Variants in FAM168B observed in about 807,000 individuals in gnomAD.
FAM168B encodes the protein family with sequence similarity 168 member B.
A neutral mutation model predicts 21.8 loss-of-function variants in FAM168B; 19 were observed. The observed-to-expected ratio is 0.87, with a 90% CI of 0.61 to 1.28. FAM168B has a LOEUF of 1.28. Ranked by LOEUF, FAM168B falls within the 50% of genes most tolerant of loss-of-function variation. The probability of loss-of-function intolerance (pLI) is 0.00; values close to 1 mark genes in which losing one functional copy is unlikely to be tolerated. For missense variants in FAM168B, 233 were observed against 263.1 expected, an observed-to-expected ratio of 0.89 and a Z score of 0.79; for synonymous variants, 126 against 104.8, an observed-to-expected ratio of 1.20 and a Z score of -1.24.
At chr2:131,092,744 A>T (rs1694097543) in intron 1 of FAM168B, among the ~76,000 whole-genome samples, 1 of 152,220 alleles carries the variant, frequency 6.6e-6, no homozygotes, top group African/African-American at 2.4e-5. Context: ...GGAAATCTTA[A>T]AAATCTGTAA....
chr2:131,066,632 G>C (rs1004020859), intron 3 of FAM168B, among the ~76,000 whole-genome samples: 27 of 152,234 alleles, frequency 1.8e-4, no homozygotes, highest in African/African-American at 5.8e-4. Flanking sequence ...GACCAGAACA[G>C]AGGCCTCAAT....
chr2:131,057,230 T>G (rs768109743), intron 3 of FAM168B, among the ~76,000 whole-genome samples: 1 of 152,116 alleles, frequency 6.6e-6, no homozygotes, highest in Non-Finnish European at 1.5e-5. Context: ...GAAAGACTTG[T>G]AAAAAGTGTT....
At position 131,067,526 on chromosome 2, in the gene FAM168B, T is replaced by C. The variant is rs1245061533; in HGVS notation, c.154+4329A>G. Reference sequence around the variant, plus strand: ...GAGGTCAAGATGAGAGGACTGCTTGTGCTCAGGAATTTGAAACCAGCTTGG... The same window carrying C: ...GAGGTCAAGATGAGAGGACTGCTTGCGCTCAGGAATTTGAAACCAGCTTGG... On this transcript the variant is annotated intron_variant, in intron 3 of 6. Transcript: ENST00000389915. Among the ~76,000 whole-genome samples, 4 of 152,240 alleles carry C rather than the reference T, an allele frequency of 2.6e-5. No individual in the cohort carries two copies. In the South Asian group the frequency reaches 8.3e-4, roughly 32 times the overall value.
chr2:131,083,890 T>C (rs1693546524), intron 1 of FAM168B, among the ~76,000 whole-genome samples: 1 of 149,140 alleles, frequency 6.7e-6, no homozygotes, highest in South Asian at 2.1e-4. Context: ...ATTTATTTAT[T>C]TATTTATTTA....
chr2:131,078,264 G>GA (rs1232533787), intron 2 of FAM168B, among the ~76,000 whole-genome samples: 2 of 152,116 alleles, frequency 1.3e-5, no homozygotes, highest in Non-Finnish European at 2.9e-5. Context: ...TAGTATGTTG[G>GA]AAAAAACAGA....
intron 1 of FAM168B, among the ~76,000 whole-genome samples, chr2:131,090,274 G>A (rs773802118): frequency 9.7e-4 from 132 of 136,056 alleles, no homozygotes; most frequent in Non-Finnish European, 6.1e-4. Flanking sequence ...AGCCCAGACC[G>A]TGCCACTGCA....
intron 1 of FAM168B, among the ~76,000 whole-genome samples, chr2:131,089,642 C>T (rs528344447): frequency 2.2e-4 from 33 of 150,684 alleles, no homozygotes; most frequent in African/African-American, 7.1e-4. Context: ...GGTGTGAACC[C>T]GGAAGGCGGA....
At chr2:131,089,700 A>G (rs1693907936) in intron 1 of FAM168B, among the ~76,000 whole-genome samples, 1 of 148,078 alleles carries the variant, frequency 6.8e-6, no homozygotes, top group South Asian at 2.1e-4. Context: ...TCTGGGCAAC[A>G]GAGCGAGACT....
At chr2:131,065,564 G>C (rs149973643) in intron 3 of FAM168B, among the ~76,000 whole-genome samples, 1 of 151,972 alleles carries the variant, frequency 6.6e-6, no homozygotes, top group East Asian at 1.9e-4. Flanking sequence ...TTAGGTGGGC[G>C]GGATCGCCTG....
chr2:131,087,269 G>A (rs1195754915), intron 1 of FAM168B, among the ~76,000 whole-genome samples: 3 of 151,996 alleles, frequency 2.0e-5, no homozygotes, highest in East Asian at 3.9e-4. Flanking sequence ...AGGAGTTGGA[G>A]ACCAGCCTAG....
chr2:131,048,125 T>TA lies in FAM168B; in HGVS notation c.*4339dup, dbSNP rs1393996523. On this transcript the variant is annotated 3_prime_UTR_variant, in exon 7 of 7. Transcript: ENST00000389915. ...ACTGGAAGACAATGCTGACTTAGCT[T>TA]AAAAAAAGTACCGAGAGAACGGTGT... 4 of 1,180,140 alleles carry TA rather than the reference T, an allele frequency of 3.4e-6. No individual in the cohort carries two copies. The highest frequency in any genetic ancestry group is 4.4e-6 in the Non-Finnish European group (4 of 916,062). The allele number at this position is 1,180,140 out of a possible 1,614,324, so 73.1% of individuals were successfully genotyped here.
chr2:131,091,696 C>A (rs998362542), intron 1 of FAM168B, among the ~76,000 whole-genome samples: 3 of 151,584 alleles, frequency 2.0e-5, no homozygotes, highest in Admixed American at 6.6e-5. Context: ...CCAAACTTTA[C>A]CTTCATTACC....
At chr2:131,062,223 T>A (rs1301485164) in intron 3 of FAM168B, among the ~76,000 whole-genome samples, 1 of 151,924 alleles carries the variant, frequency 6.6e-6, no homozygotes, top group Admixed American at 6.6e-5. Flanking sequence ...GTGAGGAAAA[T>A]CTGAGAACAC....
chr2:131,070,753 T>TACG (rs1692832767), intron 3 of FAM168B, among the ~76,000 whole-genome samples: 1 of 152,162 alleles, frequency 6.6e-6, no homozygotes, highest in South Asian at 2.1e-4. Context: ...TAATATACAC[T>TACG]ACGAGATGGA....
At chr2:131,053,050 C>A (rs1379154969) in intron 5 of FAM168B, 35 bp from the exon 6 acceptor site, 3 of 1,528,522 alleles carry the variant, frequency 2.0e-6, no homozygotes, top group Non-Finnish European at 2.6e-6. Context: ...ATGAGGCTGA[C>A]CTCCTGCACA....
chr2:131,057,825 A>AT lies in FAM168B; in HGVS notation c.155-2131dup, dbSNP rs985823601. Among the ~76,000 whole-genome samples the AT allele has an allele frequency of 2.5e-4, 37 of 149,826 alleles. No individual in the cohort carries two copies. The South Asian group carries it at 3.2e-3, about 13-fold the overall frequency. ...CTGTTAGCAATATGTACGTGTGTGT[A>AT]TTTTTTTTTTATTTTTATTTTTTGA... On this transcript the variant is annotated intron_variant, in intron 3 of 6. Coordinates refer to ENST00000389915, the MANE Select transcript of FAM168B (RefSeq NM_001009993.4).
Position 131,050,976 on chromosome 2 carries a change from C to T in FAM168B, c.*1489G>A, listed in dbSNP as rs114441663. On this transcript the variant is annotated 3_prime_UTR_variant, in exon 7 of 7. Transcript: ENST00000389915. ...GACATGCACTCTCATGGATACAGGA[C>T]GGGCATATTTTGGGGGCGGGGTGGA... 4.0e-3 allele frequency: 3,978 copies of T among 985,332 alleles called. 64 individuals are homozygous for T. The African/African-American group carries it at 0.044, about 11-fold the overall frequency. 61.0% of individuals were successfully genotyped at this position (985,332 alleles called of 1,614,324 possible).
intron 1 of FAM168B, among the ~76,000 whole-genome samples, chr2:131,085,092 G>A (rs1378964866): frequency 6.6e-6 from 1 of 152,128 alleles, no homozygotes; most frequent in Admixed American, 6.6e-5. Flanking sequence ...ATGTGTGGGG[G>A]TAGGGGGGTA....
intron 2 of FAM168B, among the ~76,000 whole-genome samples, chr2:131,076,240 C>G (rs1693146371): frequency 6.6e-6 from 1 of 152,168 alleles, no homozygotes; most frequent in Non-Finnish European, 1.5e-5. Context: ...TACCCCAACC[C>G]CCAGCAGACA....
Sources: allele counts gnomAD v4.1 joint callset (sites outside exome capture counted in the v4.1 genomes callset), GRCh38; gene constraint gnomAD v4.1.1; transcripts MANE v1.5; gene names NCBI Gene and HGNC (gene_info 2026-07-23, HGNC 2026-07-21).